UNC79: variants seen among roughly 807,000 people sequenced by gnomAD.
UNC79 encodes the protein protein unc-79 homolog.
A neutral mutation model predicts 283.1 loss-of-function variants in UNC79; 37 were observed. The ratio of observed to expected loss-of-function variants is 0.13; its 90% CI spans 0.10 to 0.17. UNC79 has a LOEUF of 0.17. UNC79 is among the 10% of genes least tolerant of loss of function. The pLI, the probability that UNC79 is intolerant of heterozygous loss-of-function variation, is 1.00. For synonymous variants in UNC79, 1,107 were observed against 1,200.2 expected (o/e 0.92, Z 1.61); for missense variants, 2,272 against 3,211.1 (o/e 0.71, Z 7.07).
chr14:93,523,286 T>C (rs2060408388), intron 7 of UNC79, among the ~76,000 whole-genome samples: 1 of 152,176 alleles, frequency 6.6e-6, no homozygotes, highest in African/African-American at 2.4e-5. Flanking sequence ...ATTAGCAGAC[T>C]AGCAGAGATT....
At chr14:93,539,716 A>C (rs770903743) in intron 12 of UNC79, among the ~76,000 whole-genome samples, 1 of 152,066 alleles carries the variant, frequency 6.6e-6, no homozygotes, top group Non-Finnish European at 1.5e-5. Flanking sequence ...TGTTATCACC[A>C]TCATCATCAG....
intron 33 of UNC79, among the ~76,000 whole-genome samples, chr14:93,643,316 G>A (rs1222568503): frequency 3.3e-5 from 5 of 152,130 alleles, no homozygotes; most frequent in African/African-American, 9.7e-5. Context: ...CCAGATGCTG[G>A]GGAACTGAAA....
chr14:93,634,474 C>T, intron 31 of UNC79, 47 bp from the exon 34 acceptor site: 1 of 1,392,104 alleles, frequency 7.2e-7, no homozygotes, highest in Non-Finnish European at 1.0e-6. Context: ...CCTTTGTGTG[C>T]TGTGGAAATT....
intron 14 of UNC79, among the ~76,000 whole-genome samples, chr14:93,551,626 G>A (rs538782088): frequency 7.5e-4 from 114 of 152,312 alleles, no homozygotes; most frequent in African/African-American, 2.6e-3. Flanking sequence ...AAGAGGCATG[G>A]TTAAACATAT....
intron 46 of UNC79, among the ~76,000 whole-genome samples, chr14:93,693,879 A>T (rs1381076476): frequency 3.3e-5 from 5 of 152,208 alleles, no homozygotes; most frequent in Admixed American, 6.5e-5. Flanking sequence ...TTTAGTTTCA[A>T]ATAATATTAT....
At chr14:93,592,243 C>T (rs1343205905) in intron 22 of UNC79, among the ~76,000 whole-genome samples, 4 of 144,876 alleles carry the variant, frequency 2.8e-5, no homozygotes, top group Non-Finnish European at 4.5e-5. Flanking sequence ...GGCTCAATCT[C>T]GGTTCACTGC....
intron 1 of UNC79, among the ~76,000 whole-genome samples, chr14:93,362,399 A>G (rs1362276138): frequency 6.6e-6 from 1 of 151,994 alleles, no homozygotes; most frequent in African/African-American, 2.4e-5. Context: ...CCCAGGCTGG[A>G]GTGCAATGGC....
intron 1 of UNC79, among the ~76,000 whole-genome samples, chr14:93,438,249 A>G (rs1221062686): frequency 6.6e-6 from 1 of 152,138 alleles, no homozygotes; most frequent in African/African-American, 2.4e-5. Context: ...GTTTCACTAG[A>G]TACAAATCTA....
intron 5 of UNC79, among the ~76,000 whole-genome samples, chr14:93,494,626 C>T (rs1273598650): frequency 6.6e-6 from 1 of 152,098 alleles, no homozygotes; most frequent in Non-Finnish European, 1.5e-5. Context: ...ATATAGATGG[C>T]TGCTGAAGTT....
Position 93,474,353 on chromosome 14 carries a change from C to G in UNC79, c.408C>G (p.Thr136=). The change falls in exon 3 of 49, where the codon ACC becomes ACG. Residue 136 remains threonine, a synonymous_variant. Coordinates refer to ENST00000555664, the Ensembl canonical transcript of UNC79. The surrounding 1 kb of genome is among the most constrained non-coding windows in gnomAD (Gnocchi z 4.1). The stretch of plus-strand genomic sequence containing the variant: ...AAGGCCTCTACGTGACTTTGGTGAC[C>G]CTCCTGGATCTAGTTCCTTTACTAC... The G allele has an allele frequency of 6.5e-7, 1 of 1,535,960 alleles. No homozygotes were observed. The highest frequency in any genetic ancestry group is 2.4e-5 in the East Asian group (1 of 40,920).
intron 2 of UNC79, 64 bp downstream of exon 2, chr14:93,467,855 A>T (rs1177467950): frequency 7.0e-7 from 1 of 1,430,616 alleles, no homozygotes; most frequent in Non-Finnish European, 9.1e-7. Context: ...ATTTATTGGG[A>T]TCTAAATTTT....
chr14:93,568,929 T>TA (rs1364967803), intron 14 of UNC79, among the ~76,000 whole-genome samples: 1 of 152,214 alleles, frequency 6.6e-6, no homozygotes, highest in Admixed American at 6.5e-5. Context: ...GTTGTTGCTT[T>TA]AGTCAATGGC....
intron 5 of UNC79, among the ~76,000 whole-genome samples, chr14:93,494,984 A>G (rs958547164): frequency 6.6e-6 from 1 of 152,126 alleles, no homozygotes; most frequent in African/African-American, 2.4e-5. Flanking sequence ...CAGAGTCATT[A>G]AGAGAAAAGT....
rs78441745 is a variant in UNC79 at position 93,626,227 on chromosome 14, G to A, written c.5608+3386G>A. 3.4e-4 allele frequency among the ~76,000 whole-genome samples: 52 copies of A among 152,142 alleles called. 2 individuals carry two copies. The East Asian group carries it at 9.5e-3, about 28-fold the overall frequency. On this transcript the variant is annotated intron_variant, in intron 30 of 48. Coordinates refer to ENST00000555664, the Ensembl canonical transcript of UNC79. ...TCTCCCCAAACTTTCAATAAGTCTT[G>A]CAATTGACATAATTAGAAGGACTTT...
chr14:93,415,818 G>A (rs1398216978), intron 1 of UNC79, among the ~76,000 whole-genome samples: 127 of 150,426 alleles, frequency 8.4e-4, no homozygotes, highest in African/African-American at 3.0e-3. Flanking sequence ...AGAGGTGTTT[G>A]TAGTATTCTC....
chr14:93,645,336 A>C (rs1437780944), intron 34 of UNC79, among the ~76,000 whole-genome samples: 1 of 152,220 alleles, frequency 6.6e-6, no homozygotes. Context: ...ATTTTTACAT[A>C]TTTACATACA....
chr14:93,467,663 T>TTTTTTATTTTA lies in UNC79; in HGVS notation c.23-7_23-6insTTTTATTTTAT. On this transcript the variant is annotated splice_region_variant and splice_polypyrimidine_tract_variant and intron_variant, in intron 1 of 48. Coordinates refer to ENST00000555664, the Ensembl canonical transcript of UNC79. Reference sequence around the variant, plus strand: ...TTTTTTTTTTTTTTTTTTTTTGCTTTTATCTAGTTGCTTCCAAGATCCGGT... The same window carrying TTTTTTATTTTA: ...TTTTTTTTTTTTTTTTTTTTTGCTTTTTTTTATTTTATATCTAGTTGCTTCCAAGATCCGGT... 1 of 1,251,872 alleles carries TTTTTTATTTTA rather than the reference T, an allele frequency of 8.0e-7. No individual in the cohort carries two copies. The highest frequency in any genetic ancestry group is 1.0e-6 in the Non-Finnish European group (1 of 1,003,484). The allele number at this position is 1,251,872 out of a possible 1,614,324, so 77.5% of individuals were successfully genotyped here.
chr14:93,532,667 G>T, intron 11 of UNC79, 89 bp downstream of exon 11: 2 of 1,518,112 alleles, frequency 1.3e-6, no homozygotes, highest in Non-Finnish European at 9.1e-7. Flanking sequence ...TTTCTGCACC[G>T]TGGTTTCCAG....
At chr14:93,669,701 T>A (rs1418468962) in intron 40 of UNC79, among the ~76,000 whole-genome samples, 1 of 152,042 alleles carries the variant, frequency 6.6e-6, no homozygotes, top group Non-Finnish European at 1.5e-5. Context: ...TTAAAAAAAT[T>A]AGCTGGGCAT....
Sources: allele counts gnomAD v4.1 joint callset (sites outside exome capture counted in the v4.1 genomes callset), GRCh38; gene constraint gnomAD v4.1.1; non-coding constraint Gnocchi (gnomAD v3.1); transcripts MANE v1.5; gene names NCBI Gene and HGNC (gene_info 2026-07-23, HGNC 2026-07-21).